Variants in PDZD2 observed in about 807,000 individuals in gnomAD.
The protein encoded by PDZD2 is PDZ domain-containing protein 2.
Under a neutral mutation model 220.7 loss-of-function variants are expected in PDZD2, and 90 were observed. The observed-to-expected ratio is 0.41, with a 90% confidence interval of 0.34 to 0.49. The LOEUF (loss-of-function observed/expected upper bound fraction) is 0.49, where lower values mean the gene tolerates loss of function less well. Ranked by LOEUF, PDZD2 falls within the 20% of genes least tolerant of loss-of-function variation. The pLI, the probability that PDZD2 is intolerant of heterozygous loss-of-function variation, is 0.28. For synonymous variants in PDZD2, 1,375 were observed against 1,450.5 expected, an observed-to-expected ratio of 0.95 and a Z score of 1.18; for missense variants, 3,174 against 3,608.5, an observed-to-expected ratio of 0.88 and a Z score of 3.08.
At position 32,098,275 on chromosome 5, in the gene PDZD2, C is replaced by A. The variant is rs1003030444; in HGVS notation, c.7948-89C>A. 12 of 1,287,752 alleles carry A rather than the reference C, an allele frequency of 9.3e-6. No individual in the cohort carries two copies. The highest frequency in any genetic ancestry group is 6.5e-5 in the Admixed American group (3 of 45,978). 79.8% of individuals were successfully genotyped at this position (1,287,752 alleles called of 1,614,324 possible). A position where few individuals can be genotyped will look rare whatever the true frequency, so the allele number is the denominator to read the frequency against. On this transcript the variant is annotated intron_variant, in intron 22 of 24. Coordinates refer to ENST00000438447, the MANE Select transcript of PDZD2 (RefSeq NM_178140.4). The surrounding 1 kb of genome is among the most constrained non-coding windows in gnomAD (Gnocchi z 4.1). ...AAAATAAAAAAGGAAGGTTCCTTTA[C>A]TACAGATACGCAGTTAGTTACTATC...
rs536459772 is a variant in PDZD2, at chr5:32,095,312, A to G, written c.7846-1967A>G. Among the ~76,000 whole-genome samples, 3 of 152,004 alleles carry G rather than the reference A, an allele frequency of 2.0e-5. No individual in the cohort carries two copies. In the South Asian group the frequency reaches 6.2e-4, roughly 32 times the overall value. The stretch of plus-strand genomic sequence containing the variant: ...CAGAACACGGCGTTCTTTTCCCTTT[A>G]TTTTCTCACTGTCTTCAGAGAGGAG... On this transcript the variant is annotated intron_variant, in intron 21 of 24. Transcript: ENST00000438447.
At chr5:31,754,090 A>G (rs1464791745) in intron 1 of PDZD2, 1 of 152,240 alleles carries the variant, frequency 6.6e-6, no homozygotes, top group Non-Finnish European at 1.5e-5. Flanking sequence ...AGTGGTTTAA[A>G]TGGAGGCTGC....
At chr5:31,774,164 C>G (rs755502819) in intron 1 of PDZD2, among the ~76,000 whole-genome samples, 5 of 152,136 alleles carry the variant, frequency 3.3e-5, no homozygotes, top group Non-Finnish European at 4.4e-5. Context: ...TTCCTGGAGC[C>G]TGGCATCTGC....
At chr5:31,874,195 A>G (rs1476408516) in intron 2 of PDZD2, among the ~76,000 whole-genome samples, 1 of 152,182 alleles carries the variant, frequency 6.6e-6, no homozygotes, top group African/African-American at 2.4e-5. Context: ...ATGGACTCAG[A>G]GTTTACTGGT....
chr5:31,904,506 T>G (rs10472796), intron 2 of PDZD2, among the ~76,000 whole-genome samples: 1 of 152,096 alleles, frequency 6.6e-6, no homozygotes, highest in African/African-American at 2.4e-5. Flanking sequence ...TCACTGGAAA[T>G]CAATACTTGT....
intron 2 of PDZD2, chr5:31,840,399 TATATATA>T (rs1757201034): frequency 1.4e-3 from 5 of 3,474 alleles, no homozygotes; most frequent in East Asian, 0.021. Context: ...ATTTTCATTA[TATATATA>T]TATATATATA....
intron 2 of PDZD2, among the ~76,000 whole-genome samples, chr5:31,877,428 A>T (rs1022577502): frequency 9.2e-5 from 14 of 152,106 alleles, no homozygotes; most frequent in Non-Finnish European, 1.5e-4. Context: ...TGCATTGCCC[A>T]GGCTGGACTT....
chr5:32,062,401 T>C (rs1431114992), intron 14 of PDZD2, among the ~76,000 whole-genome samples: 1 of 151,780 alleles, frequency 6.6e-6, no homozygotes, highest in Non-Finnish European at 1.5e-5. Context: ...AAATTTTTTT[T>C]TTTTTTTTTT....
intron 2 of PDZD2, among the ~76,000 whole-genome samples, chr5:31,931,703 G>T (rs1216617609): frequency 6.6e-6 from 1 of 152,210 alleles, no homozygotes; most frequent in Non-Finnish European, 1.5e-5. Flanking sequence ...CTGAAAAGGG[G>T]GCCAGAGAGC....
chr5:31,755,194 G>A (rs976939996), intron 1 of PDZD2, among the ~76,000 whole-genome samples: 2 of 127,774 alleles, frequency 1.6e-5, no homozygotes, highest in South Asian at 2.5e-4. Flanking sequence ...GTTCCCCACC[G>A]ATGACAAACA....
In PDZD2 at chr5:32,108,370, G is replaced by T; in HGVS notation, c.*235G>T. ...GCCGGGAGGGTTCCTTCGTTCCAGTGCCTGTCCCCTACCTTTATGTTATGT... is the reference window on the plus strand; with the variant it reads ...GCCGGGAGGGTTCCTTCGTTCCAGTTCCTGTCCCCTACCTTTATGTTATGT... On this transcript the variant is annotated 3_prime_UTR_variant, in exon 25 of 25. Transcript: ENST00000438447. 1 of 335,444 alleles carries T rather than the reference G, an allele frequency of 3.0e-6. No homozygotes were observed. 20.8% of individuals were successfully genotyped at this position (335,444 alleles called of 1,614,324 possible).
intron 1 of PDZD2, among the ~76,000 whole-genome samples, chr5:31,772,970 C>T (rs1204006035): frequency 6.6e-6 from 1 of 152,164 alleles, no homozygotes; most frequent in Non-Finnish European, 1.5e-5. Context: ...GAAAGCCCCT[C>T]CTGTCCCGGC....
chr5:32,003,979 T>A (rs1008312472), intron 5 of PDZD2, among the ~76,000 whole-genome samples: 1 of 152,094 alleles, frequency 6.6e-6, no homozygotes, highest in African/African-American at 2.4e-5. Flanking sequence ...CCCAAAGTGC[T>A]GGGATTGCAG....
intron 1 of PDZD2, among the ~76,000 whole-genome samples, chr5:31,790,691 A>ATTTTTTTTTTT (rs869296191): frequency 1.3e-5 from 1 of 75,512 alleles, no homozygotes; most frequent in African/African-American, 4.3e-5. Flanking sequence ...TATCTCTCTA[A>ATTTTTTTTTTT]TTTTTTTTTT....
At chr5:31,898,578 C>T (rs1302535087) in intron 2 of PDZD2, among the ~76,000 whole-genome samples, 2 of 152,198 alleles carry the variant, frequency 1.3e-5, no homozygotes, top group Non-Finnish European at 2.9e-5. Context: ...TCCTTAGAGG[C>T]GCAGTACCAC....
chr5:31,802,874 T>C (rs111974032), intron 2 of PDZD2, among the ~76,000 whole-genome samples: 4 of 139,172 alleles, frequency 2.9e-5, no homozygotes, highest in African/African-American at 1.1e-4. Context: ...GAGCCGAGAT[T>C]GCGCCACTGC....
At chr5:31,848,369 C>T (rs1373268555) in intron 2 of PDZD2, among the ~76,000 whole-genome samples, 2 of 152,226 alleles carry the variant, frequency 1.3e-5, no homozygotes, top group African/African-American at 4.8e-5. Context: ...AGTTAGATTA[C>T]AGCTGAATAA....
At chr5:31,672,116 A>G (rs138189024) in intron 1 of PDZD2, among the ~76,000 whole-genome samples, 1 of 152,290 alleles carries the variant, frequency 6.6e-6, no homozygotes, top group East Asian at 1.9e-4. Context: ...GTCTCCAGAC[A>G]TTGCCAGGCA....
chr5:31,951,381 T>G (rs1747170100), intron 2 of PDZD2, among the ~76,000 whole-genome samples: 1 of 152,206 alleles, frequency 6.6e-6, no homozygotes, highest in Non-Finnish European at 1.5e-5. Flanking sequence ...AGGCTTCTTA[T>G]GTAAGGGTTC....
Sources: allele counts gnomAD v4.1 joint callset (sites outside exome capture counted in the v4.1 genomes callset), GRCh38; gene constraint gnomAD v4.1.1; non-coding constraint Gnocchi (gnomAD v3.1); transcripts MANE v1.5; gene names NCBI Gene and HGNC (gene_info 2026-07-23, HGNC 2026-07-21).